The following RPH3AL variants were observed in gnomAD, a reference collection of about 807,000 sequenced individuals.
RPH3AL encodes the protein rab effector Noc2.
In RPH3AL, 38 loss-of-function variants were observed where a neutral mutation model predicts 43.1. The observed-to-expected ratio is 0.88, with a 90% CI of 0.68 to 1.15. The LOEUF is 1.15. Among genes scored for constraint, RPH3AL ranks in the 50% most tolerant of loss-of-function variants. RPH3AL has a pLI of 0.00. For missense variants in RPH3AL, 462 were observed against 423.2 expected (o/e 1.09, Z -0.81); for synonymous variants, 189 against 176.3 (o/e 1.07, Z -0.57).
chr17:280,718 A>AAG (rs1205362936), intron 6 of RPH3AL, among the ~76,000 whole-genome samples: 3 of 152,210 alleles, frequency 2.0e-5, no homozygotes, highest in Non-Finnish European at 4.4e-5. Context: ...GGCAGTACTG[A>AAG]AGAATTCACC....
At chr17:315,250 C>T (rs1184240612) in intron 5 of RPH3AL, among the ~76,000 whole-genome samples, 1 of 134,222 alleles carries the variant, frequency 7.5e-6, no homozygotes. Context: ...ACCTGTAGTC[C>T]CTGTGCCCCC....
chr17:312,513 G>A (rs1010494162), intron 5 of RPH3AL, among the ~76,000 whole-genome samples: 3 of 152,220 alleles, frequency 2.0e-5, no homozygotes, highest in Middle Eastern at 3.4e-3. Context: ...TTATTAGGGC[G>A]GTCTGAGCTG....
intron 6 of RPH3AL, among the ~76,000 whole-genome samples, chr17:279,376 C>G (rs1388093957): frequency 6.6e-6 from 1 of 152,252 alleles, no homozygotes; most frequent in East Asian, 1.9e-4. Flanking sequence ...TATCCTTGAT[C>G]TTTTAGAGGC....
intron 6 of RPH3AL, among the ~76,000 whole-genome samples, chr17:277,346 G>C (rs2042677874): frequency 6.6e-6 from 1 of 152,128 alleles, no homozygotes; most frequent in African/African-American, 2.4e-5. Context: ...TTTTTGGAAG[G>C]TGTTTATTTA....
chr17:245,635 A>G lies in RPH3AL; in HGVS notation c.613+1476T>C, dbSNP rs1555539645. On this transcript the variant is annotated intron_variant, in intron 7 of 9. Transcript: ENST00000331302. The surrounding 1 kb of genome is among the most constrained non-coding windows in gnomAD (Gnocchi z 5.9). Reference sequence around the variant, plus strand: ...CAGGTGTCCACCAGCTTCTGCTCCCACTGTCTGAGGGACATGGACAGATCT... The same window carrying G: ...CAGGTGTCCACCAGCTTCTGCTCCCGCTGTCTGAGGGACATGGACAGATCT... Among the ~76,000 whole-genome samples, 1 of 151,908 alleles carries G rather than the reference A, an allele frequency of 6.6e-6. No individual in the cohort carries two copies. Among genetic ancestry groups the G allele is most frequent in the East Asian group, 1.9e-4 (1 of 5,178 alleles).
chr17:259,378 C>T lies in RPH3AL; in HGVS notation c.439-12093G>A, dbSNP rs572328115. Among the ~76,000 whole-genome samples, 10 of 152,320 alleles carry T rather than the reference C, an allele frequency of 6.6e-5. No individual in the cohort carries two copies. In the East Asian group the frequency reaches 1.9e-3, roughly 29 times the overall value. On this transcript the variant is annotated intron_variant, in intron 6 of 9. Transcript: ENST00000331302. The stretch of plus-strand genomic sequence containing the variant: ...GGTGAGGTGCAAAGGACCCCACACC[C>T]ACAGGCCTTCTCTCTCCTGGCTGCC...
chr17:273,002 C>CCGG, intron 6 of RPH3AL, among the ~76,000 whole-genome samples: 1 of 118,612 alleles, frequency 8.4e-6, no homozygotes, highest in African/African-American at 2.8e-5. Flanking sequence ...GGGTGAGACC[C>CCGG]CAGCGAGGGC....
intron 7 of RPH3AL, among the ~76,000 whole-genome samples, chr17:241,585 G>C (rs1337934808): frequency 6.6e-6 from 1 of 152,002 alleles, no homozygotes; most frequent in Non-Finnish European, 1.5e-5. Flanking sequence ...AGAGTGTTGG[G>C]TAAGAGCCTA....
intron 2 of RPH3AL, among the ~76,000 whole-genome samples, chr17:330,746 C>T (rs1056160105): frequency 2.0e-5 from 3 of 152,040 alleles, no homozygotes; most frequent in Middle Eastern, 3.4e-3. Flanking sequence ...CGTGATGGCG[C>T]GCACCTGTAA....
intron 7 of RPH3AL, among the ~76,000 whole-genome samples, chr17:223,978 C>T (rs73971661): frequency 2.2e-4 from 34 of 152,254 alleles, no homozygotes; most frequent in African/African-American, 8.2e-4. Flanking sequence ...CCCAGCAGAG[C>T]GGCCAGCACA....
At chr17:261,263 G>C (rs1298097503) in intron 6 of RPH3AL, among the ~76,000 whole-genome samples, 1 of 152,196 alleles carries the variant, frequency 6.6e-6, no homozygotes, top group African/African-American at 2.4e-5. Context: ...AGTGACAATG[G>C]ACCTTGGGAA....
At chr17:231,233 T>C (rs1337602096) in intron 7 of RPH3AL, among the ~76,000 whole-genome samples, 1 of 152,212 alleles carries the variant, frequency 6.6e-6, no homozygotes, top group African/African-American at 2.4e-5. Flanking sequence ...TCTGGGTTTG[T>C]GCCTCAGGTT....
chr17:278,936 G>GA (rs1383963134), intron 6 of RPH3AL, among the ~76,000 whole-genome samples: 1 of 152,052 alleles, frequency 6.6e-6, no homozygotes, highest in Admixed American at 6.6e-5. Flanking sequence ...ACTCGCTCCA[G>GA]AAAAAATACT....
chr17:310,389 C>T (rs138667869), intron 5 of RPH3AL, among the ~76,000 whole-genome samples: 3 of 152,290 alleles, frequency 2.0e-5, no homozygotes, highest in African/African-American at 7.2e-5. Context: ...GCTGGGGGCG[C>T]GTGTGTGTGC....
rs1567636141 is a variant in RPH3AL, at chr17:309,564, A to ATGTCCCC, written c.351+9855_351+9856insGGGGACA. 5.3e-4 allele frequency among the ~76,000 whole-genome samples: 59 copies of ATGTCCCC among 112,282 alleles called. 1 individual carries two copies. The highest frequency in any genetic ancestry group is 9.3e-4 in the East Asian group (3 of 3,224). The allele number at this position is 112,282 out of a possible 152,430, so 73.7% of individuals were successfully genotyped here. ...CCCTGCTGGGGGTCCGGGATATGGC[A>ATGTCCCC]CGTCCCCTGCCCTGCCCCAGGCTCC... On this transcript the variant is annotated intron_variant, in intron 5 of 9. Coordinates refer to ENST00000331302, the MANE Select transcript of RPH3AL (RefSeq NM_006987.4).
At chr17:258,583 C>T (rs1282931536) in intron 6 of RPH3AL, among the ~76,000 whole-genome samples, 1 of 152,084 alleles carries the variant, frequency 6.6e-6, no homozygotes, top group African/African-American at 2.4e-5. Context: ...TGGCATATCC[C>T]AGCCCCCGGC....
chr17:292,595 C>G (rs566729811), intron 5 of RPH3AL, among the ~76,000 whole-genome samples: 1 of 152,116 alleles, frequency 6.6e-6, no homozygotes, highest in African/African-American at 2.4e-5. Context: ...GCCTCGGTCC[C>G]GGGCTCCTGC....
chr17:282,267 A>G (rs1034535472), intron 5 of RPH3AL, among the ~76,000 whole-genome samples: 1 of 152,278 alleles, frequency 6.6e-6, no homozygotes, highest in African/African-American at 2.4e-5. Context: ...ACAAAGAAAC[A>G]TACGTTTGCG....
At chr17:351,170 A>G (rs542822619) in intron 1 of RPH3AL, among the ~76,000 whole-genome samples, 2 of 152,232 alleles carry the variant, frequency 1.3e-5, no homozygotes, top group South Asian at 4.1e-4. Context: ...CCAAGCCAGT[A>G]AGAGATGTCC....
Sources: gnomAD v4.1 joint callset for allele counts (sites outside exome capture counted in the v4.1 genomes callset) on GRCh38, gnomAD v4.1.1 for gene constraint, Gnocchi (gnomAD v3.1) non-coding constraint, MANE v1.5 for transcripts, NCBI Gene and HGNC (gene_info 2026-07-23, HGNC 2026-07-21) for gene names.